The following METTL8 variants were observed in gnomAD, a reference collection of about 807,000 sequenced individuals.
METTL8 encodes methyltransferase 8, tRNA N3-cytidine.
METTL8 carries 32 observed loss-of-function variants against 48.7 expected under a neutral mutation model. The observed-to-expected ratio is 0.66, with a 90% CI of 0.50 to 0.88. The LOEUF (loss-of-function observed/expected upper bound fraction) is 0.88. Ranked by LOEUF, METTL8 falls within the 40% of genes least tolerant of loss-of-function variation. METTL8 has a pLI of 0.00. For synonymous variants in METTL8, 136 were observed against 157.1 expected (o/e 0.87, Z 1.01); for missense variants, 464 against 474.4 (o/e 0.98, Z 0.20).
At chr2:171,386,836 C>T (rs980949937) in intron 2 of METTL8, among the ~76,000 whole-genome samples, 1 of 152,070 alleles carries the variant, frequency 6.6e-6, no homozygotes, top group Admixed American at 6.5e-5. Flanking sequence ...ACAATCCCCT[C>T]CCCCCAGACC....
At chr2:171,375,657 C>T (rs1176100541) in intron 2 of METTL8, among the ~76,000 whole-genome samples, 1 of 152,090 alleles carries the variant, frequency 6.6e-6, no homozygotes, top group East Asian at 1.9e-4. Context: ...GTGTTGTTTG[C>T]TTTCTTATTA....
At chr2:171,428,365 C>A (rs985582437) in intron 1 of METTL8, among the ~76,000 whole-genome samples, 4 of 151,956 alleles carry the variant, frequency 2.6e-5, no homozygotes, top group Non-Finnish European at 5.9e-5. Flanking sequence ...CTGCTATTGC[C>A]AAGTATTGTG....
chr2:171,422,915 A>C (rs1300215536), intron 1 of METTL8, among the ~76,000 whole-genome samples: 2 of 152,256 alleles, frequency 1.3e-5, no homozygotes, highest in African/African-American at 2.4e-5. Context: ...CTGAAGGTGC[A>C]TAATATGGTT....
At chr2:171,421,143 T>C (rs543739091) in intron 1 of METTL8, among the ~76,000 whole-genome samples, 5 of 152,116 alleles carry the variant, frequency 3.3e-5, no homozygotes, top group African/African-American at 1.2e-4. Context: ...ACAGAAAAAA[T>C]CCCCTAAACC....
At chr2:171,363,817 T>TATATATATATATATGTATATA (rs1228494441) in intron 2 of METTL8, among the ~76,000 whole-genome samples, 3 of 129,044 alleles carry the variant, frequency 2.3e-5, no homozygotes, top group African/African-American at 2.9e-5. Flanking sequence ...TATATATATC[T>TATATATATATATATGTATATA]TTTTTTTTTT....
chr2:171,381,063 G>A (rs929097919), intron 2 of METTL8, among the ~76,000 whole-genome samples: 26 of 152,158 alleles, frequency 1.7e-4, no homozygotes, highest in African/African-American at 4.6e-4. Context: ...ATAGACCAAC[G>A]GAACAGAACA....
At chr2:171,326,723 C>A (rs1685001174) in intron 7 of METTL8, among the ~76,000 whole-genome samples, 1 of 152,116 alleles carries the variant, frequency 6.6e-6, no homozygotes, top group African/African-American at 2.4e-5. Flanking sequence ...TTTTTAATGA[C>A]ATCTTTGATA....
intron 2 of METTL8, among the ~76,000 whole-genome samples, chr2:171,372,521 A>G (rs1374070163): frequency 6.6e-6 from 1 of 151,950 alleles, no homozygotes; most frequent in Non-Finnish European, 1.5e-5. Flanking sequence ...TCTAGGGTAC[A>G]TGTGCACAAC....
intron 3 of METTL8, among the ~76,000 whole-genome samples, chr2:171,354,048 C>A (rs981156112): frequency 4.6e-5 from 7 of 152,172 alleles, no homozygotes; most frequent in Admixed American, 1.3e-4. Flanking sequence ...CAGTTTCTTC[C>A]TAGCATCGAT....
intron 7 of METTL8, among the ~76,000 whole-genome samples, chr2:171,330,290 C>A (rs1685379707): frequency 6.6e-6 from 1 of 152,174 alleles, no homozygotes; most frequent in African/African-American, 2.4e-5. Flanking sequence ...TTCCTTGAAG[C>A]ACTGTCACTT....
At chr2:171,348,295 A>G (rs887904487) in intron 3 of METTL8, among the ~76,000 whole-genome samples, 1 of 152,184 alleles carries the variant, frequency 6.6e-6, no homozygotes. Flanking sequence ...TGGGCCAGAT[A>G]GTATTTTAGT....
chr2:171,393,407 C>CAAAAAAAAAAAA (rs10629650), intron 1 of METTL8, among the ~76,000 whole-genome samples: 1 of 104,180 alleles, frequency 9.6e-6, no homozygotes, highest in Non-Finnish European at 1.8e-5. Context: ...TATAAAAAAG[C>CAAAAAAAAAAAA]AAAAAAAAAA....
intron 2 of METTL8, among the ~76,000 whole-genome samples, chr2:171,384,008 A>G (rs1400080077): frequency 6.6e-6 from 1 of 152,246 alleles, no homozygotes; most frequent in Non-Finnish European, 1.5e-5. Flanking sequence ...AGAACTATTC[A>G]CAAGAGGCAA....
At chr2:171,420,999 A>G (rs988146744) in intron 1 of METTL8, among the ~76,000 whole-genome samples, 3 of 152,224 alleles carry the variant, frequency 2.0e-5, no homozygotes, top group African/African-American at 7.2e-5. Context: ...AAGGATGTCC[A>G]TTATCAATGG....
chr2:171,434,226 G>C, upstream of METTL8: 1 of 443,372 alleles, frequency 2.3e-6, no homozygotes, highest in South Asian at 1.6e-5. Flanking sequence ...TAGTTCCTGG[G>C]AGAAGCCGGG....
chr2:171,354,646 C>A (rs898192867), intron 3 of METTL8, among the ~76,000 whole-genome samples: 1 of 152,206 alleles, frequency 6.6e-6, no homozygotes, highest in Non-Finnish European at 1.5e-5. Context: ...TACTTGGAGG[C>A]TTTGTTCGTT....
At chr2:171,345,229 C>T (rs1687150835) in intron 3 of METTL8, among the ~76,000 whole-genome samples, 1 of 152,134 alleles carries the variant, frequency 6.6e-6, no homozygotes, top group African/African-American at 2.4e-5. Context: ...AAGGAATATG[C>T]ACGCTAACCA....
intron 1 of METTL8, among the ~76,000 whole-genome samples, chr2:171,393,053 G>A (rs1487310891): frequency 2.0e-5 from 3 of 151,964 alleles, no homozygotes; most frequent in Non-Finnish European, 4.4e-5. Flanking sequence ...GCAGTGAGCC[G>A]AGATTGTGTC....
At chr2:171,411,634 T>C (rs1690760856) in intron 1 of METTL8, among the ~76,000 whole-genome samples, 1 of 152,188 alleles carries the variant, frequency 6.6e-6, no homozygotes, top group South Asian at 2.1e-4. Flanking sequence ...AAAAAAAAGG[T>C]ACATCGCTAC....
Sources: allele counts gnomAD v4.1 joint callset (sites outside exome capture counted in the v4.1 genomes callset), GRCh38; gene constraint gnomAD v4.1.1; transcripts MANE v1.5; gene names NCBI Gene and HGNC (gene_info 2026-07-23, HGNC 2026-07-21).